The following PLAAT3 variants were observed in gnomAD, a reference collection of about 807,000 sequenced individuals.
PLAAT3 encodes the protein phospholipase A and acyltransferase 3.
A neutral mutation model predicts 16.7 loss-of-function variants in PLAAT3; 21 were observed. The ratio of observed to expected loss-of-function variants is 1.26; its 90% CI spans 0.89 to 1.81. The LOEUF is 1.81. PLAAT3 is among the 40% of genes most tolerant of loss of function. The pLI is 0.00. For missense variants in PLAAT3, 219 were observed against 213.7 expected (o/e 1.02, Z -0.16); for synonymous variants, 76 against 81.7 (o/e 0.93, Z 0.38).
chr11:63,615,254 G>A (rs1314676797), upstream of PLAAT3, among the ~76,000 whole-genome samples: 9 of 74,158 alleles, frequency 1.2e-4, 1 homozygote, highest in African/African-American at 2.2e-4. Context: ...ATATGTGTGT[G>A]TATATATATG....
chr11:63,584,497 CT>C (rs1009560736), intron 4 of PLAAT3, among the ~76,000 whole-genome samples: 28 of 128,018 alleles, frequency 2.2e-4, no homozygotes, highest in South Asian at 4.9e-4. Context: ...TAATCATAAA[CT>C]TTTTTTTTTG....
intron 4 of PLAAT3, among the ~76,000 whole-genome samples, chr11:63,579,611 A>T (rs1263301593): frequency 6.6e-6 from 1 of 151,740 alleles, no homozygotes; most frequent in Non-Finnish European, 1.5e-5. Context: ...TTTTCAGCAA[A>T]CTATCACAAG....
At chr11:63,598,535 G>A (rs1434224511) in intron 2 of PLAAT3, among the ~76,000 whole-genome samples, 1 of 152,246 alleles carries the variant, frequency 6.6e-6, no homozygotes, top group East Asian at 1.9e-4. Context: ...ATCCAATGAT[G>A]AACCCCATTT....
intron 3 of PLAAT3, among the ~76,000 whole-genome samples, chr11:63,594,353 G>T (rs762082108): frequency 2.6e-5 from 4 of 152,120 alleles, no homozygotes; most frequent in Non-Finnish European, 5.9e-5. Flanking sequence ...ATCTGAGCTC[G>T]ATTTAGGGAA....
At chr11:63,597,723 T>C (rs1350168133) in intron 3 of PLAAT3, among the ~76,000 whole-genome samples, 2 of 152,184 alleles carry the variant, frequency 1.3e-5, no homozygotes, top group East Asian at 3.9e-4. Flanking sequence ...CAGGCGGTAA[T>C]ACAAGCGATG....
intron 4 of PLAAT3, among the ~76,000 whole-genome samples, chr11:63,581,278 CT>C (rs1227062635): frequency 6.6e-6 from 1 of 152,170 alleles, no homozygotes; most frequent in Non-Finnish European, 1.5e-5. Context: ...CCATATTTTT[CT>C]TCTTGCAGAA....
chr11:63,586,757 C>T (rs1330875486), intron 4 of PLAAT3, among the ~76,000 whole-genome samples: 1 of 152,006 alleles, frequency 6.6e-6, no homozygotes, highest in Non-Finnish European at 1.5e-5. Context: ...ATACCTAAAT[C>T]TGTCAATAAA....
chr11:63,609,476 G>T (rs961587250), intron 2 of PLAAT3, among the ~76,000 whole-genome samples: 10 of 152,196 alleles, frequency 6.6e-5, no homozygotes, highest in African/African-American at 2.2e-4. Context: ...TGGTAAACAG[G>T]GCTAAGACCC....
At chr11:63,606,067 C>CTTTTT in intron 2 of PLAAT3, among the ~76,000 whole-genome samples, 1 of 152,222 alleles carries the variant, frequency 6.6e-6, no homozygotes, top group East Asian at 1.9e-4. Flanking sequence ...ATCACTATAG[C>CTTTTT]TTTTTGGCAA....
At chr11:63,616,629 ACTT>A, upstream of PLAAT3, 1 of 152,008 alleles carries the variant, frequency 6.6e-6, no homozygotes, top group Non-Finnish European at 1.5e-5. Flanking sequence ...GACACCAACT[ACTT>A]CTTTGGGTCT....
At chr11:63,594,607 AAAAAAAAG>A (rs796480440) in intron 3 of PLAAT3, among the ~76,000 whole-genome samples, 5 of 151,914 alleles carry the variant, frequency 3.3e-5, no homozygotes, top group African/African-American at 7.2e-5. Context: ...ACTCCATCTC[AAAAAAAAG>A]AAAAAAAGAA....
chr11:63,577,349 T>C (rs1354264416), intron 4 of PLAAT3, among the ~76,000 whole-genome samples: 1 of 152,170 alleles, frequency 6.6e-6, no homozygotes, highest in East Asian at 1.9e-4. Flanking sequence ...TTTTTGTATT[T>C]TTAGTACAGA....
rs573871863 is a variant in PLAAT3 at position 63,605,842 on chromosome 11, G to A, written c.16-7679C>T. Reference sequence around the variant, plus strand: ...GCTAAGATTACAGACATGAGCCACCGCGCCTGGCCCTTTGTTTGTTTGTTT... The same window carrying A: ...GCTAAGATTACAGACATGAGCCACCACGCCTGGCCCTTTGTTTGTTTGTTT... On this transcript the variant is annotated intron_variant, in intron 2 of 4. Transcript: ENST00000415826. Among the ~76,000 whole-genome samples the A allele has an allele frequency of 1.6e-3, 236 of 152,154 alleles. 2 individuals are homozygous for A. The highest frequency in any genetic ancestry group is 5.3e-3 in the African/African-American group (221 of 41,486).
At chr11:63,589,440 G>A (rs1266984959) in intron 4 of PLAAT3, among the ~76,000 whole-genome samples, 1 of 149,616 alleles carries the variant, frequency 6.7e-6, no homozygotes, top group African/African-American at 2.5e-5. Flanking sequence ...AGATGGAAGT[G>A]GCTGAAAGGG....
intron 3 of PLAAT3, among the ~76,000 whole-genome samples, chr11:63,596,255 A>C (rs1367777134): frequency 1.3e-5 from 2 of 149,756 alleles, no homozygotes; most frequent in African/African-American, 5.0e-5. Context: ...AAAAAAAAAA[A>C]AAAAAAAAAG....
intron 2 of PLAAT3, among the ~76,000 whole-genome samples, chr11:63,601,980 C>CAA (rs71468636): frequency 0.72 from 71,323 of 99,178 alleles, 27,707 homozygotes; most frequent in East Asian, 0.97. Context: ...AACTCTGTCT[C>CAA]AAAAAAAAAA....
chr11:63,575,485 A>G (rs1305110035), intron 4 of PLAAT3, among the ~76,000 whole-genome samples: 3 of 152,182 alleles, frequency 2.0e-5, no homozygotes, highest in Non-Finnish European at 4.4e-5. Context: ...CTTGTTCATC[A>G]CTGTATCCCC....
chr11:63,584,205 C>T (rs551918356), intron 4 of PLAAT3, among the ~76,000 whole-genome samples: 7 of 151,816 alleles, frequency 4.6e-5, no homozygotes, highest in Admixed American at 6.6e-5. Flanking sequence ...TATGTATTGC[C>T]GCCAGACACA....
chr11:63,604,125 C>A (rs767085037), intron 2 of PLAAT3, among the ~76,000 whole-genome samples: 1 of 151,994 alleles, frequency 6.6e-6, no homozygotes, highest in Non-Finnish European at 1.5e-5. Context: ...GCACTCCAGC[C>A]TTTTTCAATA....
Sources: gnomAD v4.1 joint callset for allele counts (sites outside exome capture counted in the v4.1 genomes callset) on GRCh38, gnomAD v4.1.1 for gene constraint, MANE v1.5 for transcripts, NCBI Gene and HGNC (gene_info 2026-07-23, HGNC 2026-07-21) for gene names.